Variants in C5orf15 observed in about 807,000 individuals in gnomAD.
The protein encoded by C5orf15 is keratinocyte-associated transmembrane protein 2.
Under a neutral mutation model 17.8 loss-of-function variants are expected in C5orf15, and 10 were observed. The ratio of observed to expected loss-of-function variants is 0.56; its 90% CI spans 0.35 to 0.95. The LOEUF (loss-of-function observed/expected upper bound fraction) is 0.95. Ranked by LOEUF, C5orf15 falls within the 40% of genes least tolerant of loss-of-function variation. The pLI is 0.02. For synonymous variants in C5orf15, 124 were observed against 131.0 expected (o/e 0.95, Z 0.36); for missense variants, 319 against 331.7 (o/e 0.96, Z 0.30).
intron 1 of C5orf15, 25 bp downstream of exon 1, chr5:133,968,421 A>G (rs769769637): frequency 2.5e-6 from 4 of 1,599,066 alleles, no homozygotes; most frequent in African/African-American, 2.7e-5. Flanking sequence ...AGCCTTCCTA[A>G]GCCCACACTG....
intron 2 of C5orf15, among the ~76,000 whole-genome samples, chr5:133,957,792 C>T (rs1210550753): frequency 1.3e-5 from 2 of 152,182 alleles, no homozygotes; most frequent in Non-Finnish European, 2.9e-5. Context: ...ATCAAGGCCC[C>T]GAAGGGGAAG....
At position 133,961,232 on chromosome 5, in the gene C5orf15, T is replaced by TAAAAAAAA. The variant is rs56684565; in HGVS notation, c.140-1220_140-1213dup. 1.3e-3 allele frequency among the ~76,000 whole-genome samples: 40 copies of TAAAAAAAA among 30,438 alleles called. 11 individuals carry two copies. Among genetic ancestry groups the TAAAAAAAA allele is most frequent in the Non-Finnish European group, 1.5e-3 (26 of 17,454 alleles). The allele number at this position is 30,438 out of a possible 152,430, so 20.0% of individuals were successfully genotyped here. ...TCAGAAAAATAATGTAGTCAGTTAG[T>TAAAAAAAA]AAAAAAAAAAAAAAAAAAAAAAAAA... On this transcript the variant is annotated intron_variant, in intron 1 of 2. Coordinates refer to ENST00000231512, the MANE Select transcript of C5orf15 (RefSeq NM_020199.3).
At chr5:133,961,232 TAAAAAAAAAAA>T (rs56684565) in intron 1 of C5orf15, among the ~76,000 whole-genome samples, 28 of 30,438 alleles carry the variant, frequency 9.2e-4, no homozygotes, top group African/African-American at 2.7e-3. Context: ...AGTCAGTTAG[TAAAAAAAAAAA>T]AAAAAAAAAA....
chr5:133,958,214 C>CA (rs371445283), intron 2 of C5orf15, among the ~76,000 whole-genome samples: 1 of 148,282 alleles, frequency 6.7e-6, no homozygotes, highest in African/African-American at 2.5e-5. Flanking sequence ...GATCCTGTCT[C>CA]AAAAAAAAAT....
intron 1 of C5orf15, among the ~76,000 whole-genome samples, chr5:133,960,807 A>G (rs1160846040): frequency 6.6e-6 from 1 of 152,176 alleles, no homozygotes; most frequent in Non-Finnish European, 1.5e-5. Flanking sequence ...AATTCTTACT[A>G]TTCTTTTACC....
In C5orf15 at chr5:133,957,959, C is replaced by T. The variant is rs185796561; in HGVS notation, c.667-969G>A. 4.3e-3 allele frequency among the ~76,000 whole-genome samples: 648 copies of T among 152,298 alleles called. 2 individuals carry two copies. The highest frequency in any genetic ancestry group is 7.4e-3 in the Non-Finnish European group (503 of 68,024). ...GGGACTGTAGAGTGCCAACATGTAC[C>T]CTCACACTAAATGTGATGTATCCTG... On this transcript the variant is annotated intron_variant, in intron 2 of 2. Transcript: ENST00000231512.
rs754183617 is a variant in C5orf15, at chr5:133,959,493, C to T, written c.666+1G>A. 5 of 1,428,012 alleles carry T rather than the reference C, an allele frequency of 3.5e-6. No homozygotes were observed. Among genetic ancestry groups the T allele is most frequent in the Admixed American group, 2.6e-5 (1 of 38,368 alleles). The allele number at this position is 1,428,012 out of a possible 1,614,324, so 88.5% of individuals were successfully genotyped here. ...AAGGGCTAAAAAAATCCCAAACCTA[C>T]CTTCCTTTTGTTGTGATATGTAATG... On this transcript the variant is annotated splice_donor_variant, in intron 2 of 2. Coordinates refer to ENST00000231512, the MANE Select transcript of C5orf15 (RefSeq NM_020199.3). LOFTEE classifies it high-confidence loss of function.
chr5:133,959,503 G>T lies in C5orf15; in HGVS notation c.657C>A (p.Asn219Lys). ...CIAVVYITYH[N>K]KRKIFLLVQS... ...AAAATCCCAAACCTACCTTCCTTTT[G>T]TTGTGATATGTAATGTAAACAACAG... Residue 219 changes from asparagine to lysine, a missense_variant, in exon 2 of 3, where the codon AAC (asparagine) becomes AAA (lysine). Asn to Lys is a moderately conservative substitution (Grantham distance 94, BLOSUM62 0). Transcript: ENST00000231512. The T allele has an allele frequency of 7.5e-7, 1 of 1,338,930 alleles. No individual in the cohort carries two copies. Among genetic ancestry groups the T allele is most frequent in the South Asian group, 1.6e-5 (1 of 62,656 alleles). The allele number at this position is 1,338,930 out of a possible 1,614,324, so 82.9% of individuals were successfully genotyped here.
At chr5:133,959,438 A>G (rs1435148464) in intron 2 of C5orf15, 56 bp downstream of exon 2, 2 of 761,544 alleles carry the variant, frequency 2.6e-6, no homozygotes, top group African/African-American at 1.8e-5. Flanking sequence ...AGAACCATGA[A>G]TCATCAAAAG....
In C5orf15 at chr5:133,956,503, T is replaced by A. The variant is rs1197887708; in HGVS notation, c.*356A>T. The A allele has an allele frequency of 6.3e-6, 1 of 159,336 alleles. No homozygotes were observed. Among genetic ancestry groups the A allele is most frequent in the Non-Finnish European group, 1.4e-5 (1 of 73,072 alleles). The allele number at this position is 159,336 out of a possible 1,614,324, so 9.9% of individuals were successfully genotyped here. ...AAAATAGTATTTGAATGGCGGAGAA[T>A]GAATGTGAGTCAGCAGTAACAGATA... On this transcript the variant is annotated 3_prime_UTR_variant, in exon 3 of 3. Coordinates refer to ENST00000231512, the MANE Select transcript of C5orf15 (RefSeq NM_020199.3).
intron 1 of C5orf15, 23 bp from the exon 2 acceptor site, chr5:133,960,043 A>G (rs1561574570): frequency 6.4e-7 from 1 of 1,557,004 alleles, no homozygotes; most frequent in Non-Finnish European, 8.7e-7. Context: ...AAGAATATCA[A>G]ACTGAAATCT....
rs1752040477 is a variant in C5orf15 at position 133,956,191 on chromosome 5, A to T, written c.*668T>A. On this transcript the variant is annotated 3_prime_UTR_variant, in exon 3 of 3. Coordinates refer to ENST00000231512, the MANE Select transcript of C5orf15 (RefSeq NM_020199.3). ...TAACATTTTACCAGTTTCTGCTTCT[A>T]AATTTAATATAGTAATTCCAACCAA... 1 of 152,658 alleles carries T rather than the reference A, an allele frequency of 6.6e-6. No homozygotes were observed. Among genetic ancestry groups the T allele is most frequent in the Non-Finnish European group, 1.5e-5 (1 of 68,040 alleles). 9.5% of individuals were successfully genotyped at this position (152,658 alleles called of 1,614,324 possible). A position where few individuals can be genotyped will look rare whatever the true frequency, so the allele number is the denominator to read the frequency against.
intron 1 of C5orf15, 103 bp downstream of exon 1, chr5:133,968,343 G>C: frequency 2.7e-6 from 4 of 1,465,738 alleles, no homozygotes; most frequent in Non-Finnish European, 2.8e-6. Flanking sequence ...ACCGCCGTCT[G>C]CTCCTGACAC....
rs1752102537 is a variant in C5orf15, at chr5:133,960,129, A to C, written c.140-109T>G. On this transcript the variant is annotated intron_variant, in intron 1 of 2. Coordinates refer to ENST00000231512, the MANE Select transcript of C5orf15 (RefSeq NM_020199.3). ...AAGCATTTCTCTCTGCTACATTCCT[A>C]TAACTTTCTCGAAAACTAGTTATTA... 1.5e-5 allele frequency: 14 copies of C among 922,690 alleles called. No individual in the cohort carries two copies. The South Asian group carries it at 2.6e-4, about 17-fold the overall frequency. The allele number at this position is 922,690 out of a possible 1,614,324, so 57.2% of individuals were successfully genotyped here.
At chr5:133,959,440 C>T in intron 2 of C5orf15, 54 bp downstream of exon 2, 1 of 330,970 alleles carries the variant, frequency 3.0e-6, no homozygotes, top group Non-Finnish European at 5.5e-6. Flanking sequence ...AACCATGAAT[C>T]ATCAAAAGCA....
Position 133,959,795 on chromosome 5 carries a change from G to T in C5orf15, c.365C>A (p.Pro122His). The change falls in exon 2 of 3, where the codon CCT becomes CAT. Residue 122 changes from proline to histidine, a missense_variant. Pro to His is a moderately conservative substitution (Grantham distance 77, BLOSUM62 -2). Coordinates refer to ENST00000231512, the MANE Select transcript of C5orf15 (RefSeq NM_020199.3). ...GAGAAGATCCTCCTCCTCTATACTA[G>T]GATCTTCATTGTTATCAGCTTCCTC... ...SQEEADNNED[P>H]SIEEEDLLML... 1 of 1,614,064 alleles carries T rather than the reference G, an allele frequency of 6.2e-7. No homozygotes were observed. Among genetic ancestry groups the T allele is most frequent in the Non-Finnish European group, 8.5e-7 (1 of 1,180,012 alleles).
In C5orf15 at chr5:133,955,904, C is replaced by G. The variant is rs1752036801; in HGVS notation, c.*955G>C. 6.6e-6 allele frequency: 1 copy of G among 151,926 alleles called. No individual in the cohort carries two copies. Among genetic ancestry groups the G allele is most frequent in the African/African-American group, 2.4e-5 (1 of 41,368 alleles). The allele number at this position is 151,926 out of a possible 1,614,324, so 9.4% of individuals were successfully genotyped here. On this transcript the variant is annotated 3_prime_UTR_variant, in exon 3 of 3. Transcript: ENST00000231512. ...CCATAAAAAACAAAAACAAAGAAAACAAGTGTGGGGGAAAAAAGGTAATTG... is the reference window on the plus strand; with the variant it reads ...CCATAAAAAACAAAAACAAAGAAAAGAAGTGTGGGGGAAAAAAGGTAATTG...
intron 1 of C5orf15, among the ~76,000 whole-genome samples, chr5:133,961,196 A>G (rs1752116842): frequency 6.8e-6 from 1 of 148,082 alleles, no homozygotes; most frequent in African/African-American, 2.5e-5. Flanking sequence ...AATTAGAATG[A>G]ACAGAGGATC....
At chr5:133,963,799 A>C (rs934838288) in intron 1 of C5orf15, among the ~76,000 whole-genome samples, 1 of 152,144 alleles carries the variant, frequency 6.6e-6, no homozygotes, top group African/African-American at 2.4e-5. Flanking sequence ...CTTAGGCTGG[A>C]GTGCTGCACA....
Sources: allele counts gnomAD v4.1 joint callset (sites outside exome capture counted in the v4.1 genomes callset), GRCh38; gene constraint gnomAD v4.1.1; transcripts MANE v1.5; gene names NCBI Gene and HGNC (gene_info 2026-07-23, HGNC 2026-07-21).